CSMD3: variants seen among roughly 807,000 people sequenced by gnomAD.
The protein encoded by CSMD3 is CUB and sushi domain-containing protein 3.
Under a neutral mutation model 435.2 loss-of-function variants are expected in CSMD3, and 177 were observed. The ratio of observed to expected loss-of-function variants is 0.41; its 90% CI spans 0.36 to 0.46. CSMD3 has a LOEUF of 0.46. Among genes scored for constraint, CSMD3 ranks in the 20% least tolerant of loss-of-function variants. The probability of loss-of-function intolerance (pLI) is 0.34; values close to 1 mark genes in which losing one functional copy is unlikely to be tolerated. For synonymous variants in CSMD3, 1,656 were observed against 1,520.5 expected (o/e 1.09, Z -2.07); for missense variants, 4,265 against 4,504.6 (o/e 0.95, Z 1.52).
intron 35 of CSMD3, among the ~76,000 whole-genome samples, chr8:112,404,071 G>A (rs117402284): frequency 1.1e-3 from 173 of 152,134 alleles, no homozygotes; most frequent in Middle Eastern, 6.8e-3. Flanking sequence ...GGTTGGGGTG[G>A]GAGTGGCGAT....
chr8:113,228,555 T>C (rs2093052263), intron 3 of CSMD3, among the ~76,000 whole-genome samples: 1 of 151,352 alleles, frequency 6.6e-6, no homozygotes, highest in Admixed American at 6.6e-5. Flanking sequence ...CTTCCCCTTT[T>C]AAATACATTT....
intron 10 of CSMD3, among the ~76,000 whole-genome samples, chr8:112,890,464 T>G (rs2081750994): frequency 6.6e-6 from 1 of 151,706 alleles, no homozygotes; most frequent in African/African-American, 2.4e-5. Context: ...TTCTTTTTCA[T>G]TAAATGAGTT....
At chr8:113,252,562 GC>G (rs1463436909) in intron 3 of CSMD3, among the ~76,000 whole-genome samples, 3 of 152,004 alleles carry the variant, frequency 2.0e-5, no homozygotes, top group African/African-American at 7.2e-5. Context: ...ACTCCATAGA[GC>G]AAAGTGAGAG....
chr8:112,721,446 G>A (rs537599958), intron 13 of CSMD3, among the ~76,000 whole-genome samples: 2 of 151,968 alleles, frequency 1.3e-5, no homozygotes, highest in African/African-American at 4.8e-5. Context: ...ATGGTGGTGG[G>A]AGGCCTGTAA....
rs560350679 is a variant in CSMD3, at chr8:112,896,417, T to C, written c.1633+25210A>G. 2.0e-5 allele frequency among the ~76,000 whole-genome samples: 3 copies of C among 151,580 alleles called. No individual in the cohort carries two copies. In the East Asian group the frequency reaches 5.9e-4, roughly 30 times the overall value. On this transcript the variant is annotated intron_variant, in intron 10 of 70. Coordinates refer to ENST00000297405, the MANE Select transcript of CSMD3 (RefSeq NM_198123.2). Reference sequence around the variant, plus strand: ...AGATATCTGAGAAAAATAAATATTGTTGATGCTTAGACTACCAAGTTTTGA... The same window carrying C: ...AGATATCTGAGAAAAATAAATATTGCTGATGCTTAGACTACCAAGTTTTGA...
intron 22 of CSMD3, among the ~76,000 whole-genome samples, chr8:112,598,583 A>G (rs1246111860): frequency 1.3e-5 from 2 of 150,346 alleles, no homozygotes; most frequent in Admixed American, 6.6e-5. Flanking sequence ...CCAAAAGAAC[A>G]AAGCTGGAGG....
chr8:113,102,231 C>T (rs1179765349), intron 4 of CSMD3, among the ~76,000 whole-genome samples: 1 of 152,096 alleles, frequency 6.6e-6, no homozygotes, highest in East Asian at 1.9e-4. Context: ...TCCAACAATT[C>T]ACAGAAAGTG....
intron 3 of CSMD3, among the ~76,000 whole-genome samples, chr8:113,224,258 G>C (rs2093001661): frequency 6.6e-6 from 1 of 151,090 alleles, no homozygotes; most frequent in Non-Finnish European, 1.5e-5. Flanking sequence ...CTCTTTGGTT[G>C]ATTTTTATTT....
At chr8:112,789,085 T>C (rs578082901) in intron 13 of CSMD3, among the ~76,000 whole-genome samples, 138 of 152,188 alleles carry the variant, frequency 9.1e-4, no homozygotes, top group Middle Eastern at 6.8e-3. Context: ...TGTTTTTTAA[T>C]AAAAATTATA....
chr8:113,083,022 T>C (rs1209214445), intron 5 of CSMD3, among the ~76,000 whole-genome samples: 1 of 152,162 alleles, frequency 6.6e-6, no homozygotes, highest in East Asian at 1.9e-4. Flanking sequence ...AGAAAATCTA[T>C]TTAATGAAAT....
At chr8:112,846,228 T>C (rs1000796989) in intron 11 of CSMD3, among the ~76,000 whole-genome samples, 1 of 151,800 alleles carries the variant, frequency 6.6e-6, no homozygotes, top group African/African-American at 2.4e-5. Context: ...AAAAAGATAA[T>C]TCTTTTTTAA....
intron 22 of CSMD3, among the ~76,000 whole-genome samples, chr8:112,636,318 A>G (rs897080166): frequency 6.6e-6 from 1 of 152,152 alleles, no homozygotes. Flanking sequence ...CCCTTAAATT[A>G]GTTACCTATT....
chr8:112,564,573 C>G (rs1377994601), intron 24 of CSMD3, among the ~76,000 whole-genome samples: 1 of 151,984 alleles, frequency 6.6e-6, no homozygotes, highest in Non-Finnish European at 1.5e-5. Flanking sequence ...TCAGGAAATT[C>G]AGCAGTTCAG....
rs573330921 is a variant in CSMD3 at position 112,369,035 on chromosome 8, C to T, written c.6136+11317G>A. Among the ~76,000 whole-genome samples, 3 of 152,112 alleles carry T rather than the reference C, an allele frequency of 2.0e-5. No individual in the cohort carries two copies. In the South Asian group the frequency reaches 6.2e-4, roughly 32 times the overall value. ...ATAATGACAGTGGAGGTATCATTAGCTAGTTTCGAAGAATCTAAGCAGTCA... is the reference window on the plus strand; with the variant it reads ...ATAATGACAGTGGAGGTATCATTAGTTAGTTTCGAAGAATCTAAGCAGTCA... On this transcript the variant is annotated intron_variant, in intron 38 of 70. Coordinates refer to ENST00000297405, the MANE Select transcript of CSMD3 (RefSeq NM_198123.2).
intron 23 of CSMD3, among the ~76,000 whole-genome samples, chr8:112,578,077 A>T (rs1037628189): frequency 2.6e-5 from 4 of 152,098 alleles, no homozygotes; most frequent in Non-Finnish European, 4.4e-5. Context: ...TTTTCTAAAA[A>T]GGTGAATTAG....
chr8:112,250,325 G>T (rs1815148964), intron 63 of CSMD3, among the ~76,000 whole-genome samples: 1 of 151,512 alleles, frequency 6.6e-6, no homozygotes, highest in Non-Finnish European at 1.5e-5. Context: ...ATTTTTCTGT[G>T]TATCACCAAC....
intron 3 of CSMD3, among the ~76,000 whole-genome samples, chr8:113,275,380 G>C (rs1392645309): frequency 6.6e-6 from 1 of 151,984 alleles, no homozygotes; most frequent in African/African-American, 2.4e-5. Flanking sequence ...ATCTCAGTAG[G>C]CATAAGAATC....
At chr8:113,386,141 A>G (rs1018327478) in intron 1 of CSMD3, among the ~76,000 whole-genome samples, 2 of 151,984 alleles carry the variant, frequency 1.3e-5, no homozygotes, top group Non-Finnish European at 2.9e-5. Flanking sequence ...GAAAAGCCCA[A>G]ATATATGGAA....
intron 1 of CSMD3, among the ~76,000 whole-genome samples, chr8:113,382,931 A>G (rs1057224045): frequency 2.0e-5 from 3 of 152,184 alleles, no homozygotes; most frequent in Non-Finnish European, 4.4e-5. Context: ...CAGTGAGCTG[A>G]GATCGTGCCA....
Sources: gnomAD v4.1 joint callset for allele counts (sites outside exome capture counted in the v4.1 genomes callset) on GRCh38, gnomAD v4.1.1 for gene constraint, MANE v1.5 for transcripts, NCBI Gene and HGNC (gene_info 2026-07-23, HGNC 2026-07-21) for gene names.